Variants in EBPL observed in about 807,000 individuals in gnomAD.
EBPL encodes EBP like.
EBPL carries 20 observed loss-of-function variants against 19.0 expected under a neutral mutation model. That is an observed-to-expected ratio of 1.05 (90% CI 0.74 to 1.53). EBPL has a LOEUF of 1.53. Ranked by LOEUF, EBPL falls within the 40% of genes most tolerant of loss-of-function variation. The pLI is 0.00. For synonymous variants in EBPL, 107 were observed against 117.0 expected (o/e 0.91, Z 0.55); for missense variants, 219 against 261.1 (o/e 0.84, Z 1.11).
rs76148343 is a variant in EBPL at position 49,679,069 on chromosome 13, G to A, written c.172-9223C>T. On this transcript the variant is annotated intron_variant, in intron 1 of 3. Transcript: ENST00000242827. ...AATCTGCTCTAACCACACAAAGACC[G>A]AAGATCAAAGCCACTGAAAACACTA... Among the ~76,000 whole-genome samples, 493 of 148,910 alleles carry A rather than the reference G, an allele frequency of 3.3e-3. 1 individual carries two copies. Among genetic ancestry groups the A allele is most frequent in the African/African-American group, 0.012 (465 of 40,270 alleles).
intron 1 of EBPL, 51 bp from the exon 2 acceptor site, chr13:49,669,897 G>A: frequency 6.9e-7 from 1 of 1,450,708 alleles, no homozygotes; most frequent in Non-Finnish European, 9.7e-7. Context: ...ACAACCACAG[G>A]ATGGCACTGT....
intron 1 of EBPL, among the ~76,000 whole-genome samples, chr13:49,690,013 G>GGTGAC (rs1026324815): frequency 3.3e-5 from 5 of 151,962 alleles, no homozygotes; most frequent in Admixed American, 3.3e-4. Context: ...AGCTGGGCGT[G>GGTGAC]GTGACGGGCG....
intron 2 of EBPL, among the ~76,000 whole-genome samples, chr13:49,666,883 TG>T (rs1456596338): frequency 2.1e-4 from 25 of 121,324 alleles, no homozygotes; most frequent in Non-Finnish European, 3.8e-4. Flanking sequence ...AGCGAGACTC[TG>T]TTAAAAAAAA....
At chr13:49,663,977 C>T (rs1184681437) in intron 2 of EBPL, among the ~76,000 whole-genome samples, 1 of 151,484 alleles carries the variant, frequency 6.6e-6, no homozygotes, top group East Asian at 1.9e-4. Context: ...CTTGGCCAGG[C>T]ACGGTGGCTC....
intron 1 of EBPL, among the ~76,000 whole-genome samples, chr13:49,678,065 T>C (rs1328410183): frequency 2.6e-5 from 4 of 152,182 alleles, no homozygotes; most frequent in African/African-American, 4.8e-5. Flanking sequence ...GGCAGCCTGC[T>C]TTTATTCCCT....
At chr13:49,677,824 C>T (rs1220053892) in intron 1 of EBPL, among the ~76,000 whole-genome samples, 1 of 152,192 alleles carries the variant, frequency 6.6e-6, no homozygotes, top group Non-Finnish European at 1.5e-5. Flanking sequence ...GCCGTGGACC[C>T]TCGCGGTGAG....
intron 3 of EBPL, 93 bp downstream of exon 3, chr13:49,662,962 AAT>A: frequency 6.7e-7 from 1 of 1,488,660 alleles, no homozygotes. Context: ...TTATCTAACA[AAT>A]ATATGTGGTC....
chr13:49,671,428 C>T (rs181176954), intron 1 of EBPL, among the ~76,000 whole-genome samples: 5 of 152,104 alleles, frequency 3.3e-5, no homozygotes, highest in African/African-American at 9.6e-5. Context: ...TGTGAGTCAC[C>T]GTGCCAGGCT....
At chr13:49,683,462 C>T (rs1009936259) in intron 1 of EBPL, among the ~76,000 whole-genome samples, 2 of 151,838 alleles carry the variant, frequency 1.3e-5, no homozygotes, top group African/African-American at 2.4e-5. Flanking sequence ...ACCCGGGAGG[C>T]GGAGCTTGCA....
intron 2 of EBPL, among the ~76,000 whole-genome samples, chr13:49,663,419 A>G (rs1965177903): frequency 6.6e-6 from 1 of 152,172 alleles, no homozygotes; most frequent in Non-Finnish European, 1.5e-5. Context: ...GTGTCCAATC[A>G]TTCAGTTTCC....
At chr13:49,677,008 T>C (rs1246749572) in intron 1 of EBPL, among the ~76,000 whole-genome samples, 1 of 152,148 alleles carries the variant, frequency 6.6e-6, no homozygotes, top group Non-Finnish European at 1.5e-5. Flanking sequence ...AATGCTCTCG[T>C]TTGATTTAAA....
chr13:49,683,861 C>T (rs931064724), intron 1 of EBPL, among the ~76,000 whole-genome samples: 4 of 152,108 alleles, frequency 2.6e-5, no homozygotes, highest in Non-Finnish European at 4.4e-5. Flanking sequence ...GAAAAATATG[C>T]CCACACAGAC....
intron 1 of EBPL, among the ~76,000 whole-genome samples, chr13:49,683,265 G>A (rs1594416040): frequency 6.6e-6 from 1 of 151,878 alleles, no homozygotes; most frequent in Non-Finnish European, 1.5e-5. Context: ...CTGAGCTCAC[G>A]CCTGTAATCC....
chr13:49,680,727 C>T (rs1422514075), intron 1 of EBPL, among the ~76,000 whole-genome samples: 2 of 152,112 alleles, frequency 1.3e-5, no homozygotes, highest in East Asian at 3.9e-4. Flanking sequence ...GAGGCTGAGG[C>T]AGGAGAATTG....
At chr13:49,672,888 C>T (rs1283888929) in intron 1 of EBPL, among the ~76,000 whole-genome samples, 1 of 151,976 alleles carries the variant, frequency 6.6e-6, no homozygotes. Context: ...TGAAACCCCA[C>T]CTCTACTAAT....
chr13:49,671,537 C>T (rs575887826), intron 1 of EBPL, among the ~76,000 whole-genome samples: 7 of 152,296 alleles, frequency 4.6e-5, no homozygotes, highest in African/African-American at 1.4e-4. Flanking sequence ...TACTTTGCAA[C>T]ACTTTATTTT....
Position 49,691,312 on chromosome 13 carries a change from GC to G in EBPL, c.112del (p.Ala38ArgfsTer29), listed in dbSNP as rs1440847124. 6 of 1,363,510 alleles carry G rather than the reference GC, an allele frequency of 4.4e-6. No individual in the cohort carries two copies. Among genetic ancestry groups the G allele is most frequent in the Non-Finnish European group, 5.7e-6 (6 of 1,054,454 alleles). 84.5% of individuals were successfully genotyped at this position (1,363,510 alleles called of 1,614,324 possible). A position where few individuals can be genotyped will look rare whatever the true frequency, so the allele number is the denominator to read the frequency against. On this transcript the variant is annotated frameshift_variant, in exon 1 of 4. Transcript: ENST00000242827. LOFTEE classifies it high-confidence loss of function. ...LGLRLGRGQG[A>X]ADRGALIWLC... ...CCAGATGAGCGCCCCGCGGTCCGCC[GC>G]CCCCTGCCCGCGGCCCAGGCGCAGG...
intron 2 of EBPL, among the ~76,000 whole-genome samples, chr13:49,664,691 G>T (rs1264477597): frequency 6.6e-6 from 1 of 152,080 alleles, no homozygotes; most frequent in Admixed American, 6.6e-5. Context: ...ATTCAGAAAA[G>T]GTGTGAAGTC....
chr13:49,686,435 C>T (rs1953998872), intron 1 of EBPL: 1 of 1,273,500 alleles, frequency 7.9e-7, no homozygotes, highest in Non-Finnish European at 1.0e-6. Flanking sequence ...CCCATCAATC[C>T]CACTCTCACC....
Sources: gnomAD v4.1 joint callset for allele counts (sites outside exome capture counted in the v4.1 genomes callset) on GRCh38, gnomAD v4.1.1 for gene constraint, MANE v1.5 for transcripts, NCBI Gene and HGNC (gene_info 2026-07-23, HGNC 2026-07-21) for gene names.